The following CEP83 variants were observed in gnomAD, a reference collection of about 807,000 sequenced individuals.
CEP83 encodes centrosomal protein 83, also known as centrosomal protein of 83 kDa.
A neutral mutation model predicts 101.9 loss-of-function variants in CEP83; 70 were observed. The observed-to-expected ratio is 0.69, with a 90% CI of 0.57 to 0.84. The LOEUF (loss-of-function observed/expected upper bound fraction) is 0.84. Among genes scored for constraint, CEP83 ranks in the 40% least tolerant of loss-of-function variants. The pLI, the probability that CEP83 is intolerant of heterozygous loss-of-function variation, is 0.00. For synonymous variants in CEP83, 264 were observed against 267.9 expected, an observed-to-expected ratio of 0.99 and a Z score of 0.14; for missense variants, 715 against 787.2, an observed-to-expected ratio of 0.91 and a Z score of 1.10.
intron 11 of CEP83, among the ~76,000 whole-genome samples, chr12:94,347,068 T>TATATATATATATAC (rs561705061): frequency 2.2e-4 from 32 of 147,412 alleles, no homozygotes; most frequent in Non-Finnish European, 3.6e-4. Flanking sequence ...TATATATATA[T>TATATATATATATAC]ACACATACAC....
At chr12:94,367,990 G>T in intron 10 of CEP83, 47 bp from the exon 11 acceptor site, 1 of 1,604,080 alleles carries the variant, frequency 6.2e-7, no homozygotes, top group East Asian at 2.2e-5. Flanking sequence ...TAATAAAGAT[G>T]ATATGACAGC....
At chr12:94,347,338 T>G (rs1490700800) in intron 11 of CEP83, among the ~76,000 whole-genome samples, 1 of 151,954 alleles carries the variant, frequency 6.6e-6, no homozygotes, top group African/African-American at 2.4e-5. Context: ...GACAATAAAA[T>G]TAAGACCACA....
rs183655544 is a variant in CEP83, at chr12:94,355,718, G to C, written c.1343+12076C>G. On this transcript the variant is annotated intron_variant, in intron 11 of 16. Coordinates refer to ENST00000397809, the MANE Select transcript of CEP83 (RefSeq NM_016122.3). ...TGGAAGGTTGTGGGTTTACAGGAAC[G>C]AGGGCAAGGAACACCTGGCCCGCCC... Among the ~76,000 whole-genome samples, 30 of 152,310 alleles carry C rather than the reference G, an allele frequency of 2.0e-4. 1 individual carries two copies. Among genetic ancestry groups the C allele is most frequent in the Admixed American group, 1.2e-3 (19 of 15,298 alleles).
intron 11 of CEP83, among the ~76,000 whole-genome samples, chr12:94,356,245 G>C (rs1457541105): frequency 2.6e-5 from 4 of 152,192 alleles, no homozygotes; most frequent in African/African-American, 9.7e-5. Context: ...ATGGGGTCTG[G>C]TTCGTTTCAT....
Position 94,397,477 on chromosome 12 carries a change from G to A in CEP83, c.549+3373C>T, listed in dbSNP as rs1468771703. ...TGCATCACTGCACCCCAGCCTGGGC[G>A]ACAGAGCAAGACTCCATCTCAAAAA... On this transcript the variant is annotated intron_variant, in intron 6 of 16. Coordinates refer to ENST00000397809, the MANE Select transcript of CEP83 (RefSeq NM_016122.3). 4.0e-5 allele frequency among the ~76,000 whole-genome samples: 6 copies of A among 149,836 alleles called. No individual in the cohort carries two copies. In the South Asian group the frequency reaches 6.4e-4, roughly 16 times the overall value.
intron 2 of CEP83, among the ~76,000 whole-genome samples, chr12:94,422,724 A>G (rs1171424715): frequency 1.3e-5 from 2 of 152,174 alleles, no homozygotes; most frequent in Non-Finnish European, 2.9e-5. Context: ...ACTCTCATGT[A>G]TTTGCCTTGT....
At chr12:94,388,557 A>G (rs1184400049) in intron 6 of CEP83, among the ~76,000 whole-genome samples, 1 of 151,968 alleles carries the variant, frequency 6.6e-6, no homozygotes, top group Non-Finnish European at 1.5e-5. Flanking sequence ...ACACCTGTGT[A>G]ACAAATCTAC....
downstream of CEP83, chr12:94,304,444 A>G (rs1002906975): frequency 6.2e-6 from 1 of 161,586 alleles, no homozygotes; most frequent in Non-Finnish European, 1.3e-5. Flanking sequence ...TGAAATTATG[A>G]CATATTTCTA....
At chr12:94,383,480 T>C (rs1227176720) in intron 6 of CEP83, among the ~76,000 whole-genome samples, 1 of 152,038 alleles carries the variant, frequency 6.6e-6, no homozygotes, top group East Asian at 1.9e-4. Flanking sequence ...GCACCCTGAC[T>C]TACAATGGAG....
At chr12:94,324,624 C>T (rs1327129460) in intron 14 of CEP83, among the ~76,000 whole-genome samples, 2 of 152,170 alleles carry the variant, frequency 1.3e-5, no homozygotes, top group African/African-American at 4.8e-5. Flanking sequence ...CTATTTTCCT[C>T]ACTGTACATC....
intron 4 of CEP83, among the ~76,000 whole-genome samples, chr12:94,411,328 G>A (rs139944871): frequency 3.2e-4 from 48 of 152,174 alleles, no homozygotes; most frequent in African/African-American, 9.4e-4. Flanking sequence ...AAGAATAGCT[G>A]TCCTTTTTTA....
chr12:94,297,260 G>A, the CEP83 span: 1 of 1,613,548 alleles, frequency 6.2e-7, no homozygotes. Context: ...TGAACTGCAT[G>A]CCTTCTGTAG....
intron 16 of CEP83, among the ~76,000 whole-genome samples, chr12:94,309,163 T>G (rs1969444414): frequency 6.6e-6 from 1 of 152,062 alleles, no homozygotes; most frequent in East Asian, 1.9e-4. Flanking sequence ...CACCAGGGAG[T>G]GAATTAGAAA....
intron 14 of CEP83, among the ~76,000 whole-genome samples, chr12:94,322,539 G>T (rs1451681984): frequency 6.6e-6 from 1 of 152,162 alleles, no homozygotes; most frequent in Admixed American, 6.5e-5. Flanking sequence ...AAACAGCAAA[G>T]CTGGCACCCT....
Position 94,426,017 on chromosome 12 carries a change from G to A in CEP83, c.-102+9258C>T, listed in dbSNP as rs574513311. Among the ~76,000 whole-genome samples, 3 of 152,066 alleles carry A rather than the reference G, an allele frequency of 2.0e-5. No individual in the cohort carries two copies. The East Asian group carries it at 5.8e-4, about 29-fold the overall frequency. Reference sequence around the variant, plus strand: ...GGCGCCTGTAGTCCCAGCTACTCGGGAGGCTGAGGCAGGAGAATGGTGTGA... The same window carrying A: ...GGCGCCTGTAGTCCCAGCTACTCGGAAGGCTGAGGCAGGAGAATGGTGTGA... On this transcript the variant is annotated intron_variant, in intron 2 of 16. Transcript: ENST00000397809.
In CEP83 at chr12:94,425,073, G is replaced by C. The variant is rs2065089211; in HGVS notation, c.-102+10202C>G. The C allele has an allele frequency of 8.5e-6, 3 of 353,866 alleles. No homozygotes were observed. The South Asian group carries it at 8.7e-5, about 10-fold the overall frequency. The allele number at this position is 353,866 out of a possible 1,614,324, so 21.9% of individuals were successfully genotyped here. A position where few individuals can be genotyped will look rare whatever the true frequency, so the allele number is the denominator to read the frequency against. ...AGGAGGGGATCGAGGGAAAGGGGGA[G>C]AGGGAGGGAGGAAAAAAGGGAGGGG... On this transcript the variant is annotated intron_variant, in intron 2 of 16. Transcript: ENST00000397809.
intron 4 of CEP83, among the ~76,000 whole-genome samples, chr12:94,407,750 G>A (rs551094301): frequency 2.0e-5 from 3 of 152,190 alleles, no homozygotes; most frequent in South Asian, 2.1e-4. Context: ...CCAAGACACC[G>A]ACTGAATTAG....
At chr12:94,331,422 A>G (rs2059214754) in intron 14 of CEP83, among the ~76,000 whole-genome samples, 1 of 112,770 alleles carries the variant, frequency 8.9e-6, no homozygotes. Context: ...GCTGGAGTGC[A>G]GTGGCACGAT....
chr12:94,347,050 AATATATAT>A (rs137940620), intron 11 of CEP83, among the ~76,000 whole-genome samples: 1 of 132,024 alleles, frequency 7.6e-6, no homozygotes, highest in African/African-American at 2.8e-5. Context: ...AAAATAAACA[AATATATAT>A]ATATATATAT....
Sources: allele counts gnomAD v4.1 joint callset (sites outside exome capture counted in the v4.1 genomes callset), GRCh38; gene constraint gnomAD v4.1.1; transcripts MANE v1.5; gene names NCBI Gene and HGNC (gene_info 2026-07-23, HGNC 2026-07-21).